Variants in TMEM132C observed in about 807,000 individuals in gnomAD.
TMEM132C encodes protein phosphatase 1, regulatory subunit 152.
Under a neutral mutation model 61.4 loss-of-function variants are expected in TMEM132C, and 29 were observed. The observed-to-expected ratio is 0.47, with a 90% CI of 0.35 to 0.64. TMEM132C has a LOEUF of 0.64. Among genes scored for constraint, TMEM132C ranks in the 30% least tolerant of loss-of-function variants. The pLI is 0.00. For synonymous variants in TMEM132C, 656 were observed against 633.1 expected, an observed-to-expected ratio of 1.04 and a Z score of -0.54; for missense variants, 1,408 against 1,476.9, an observed-to-expected ratio of 0.95 and a Z score of 0.76.
At chr12:128,354,064 G>T (rs947097460) in intron 1 of TMEM132C, among the ~76,000 whole-genome samples, 1 of 152,170 alleles carries the variant, frequency 6.6e-6, no homozygotes, top group Admixed American at 6.5e-5. Flanking sequence ...AGGGTGGCTT[G>T]AGTCTCTTCA....
intron 1 of TMEM132C, among the ~76,000 whole-genome samples, 178 bp from the exon 2 acceptor site, chr12:128,414,554 G>T (rs557456190): frequency 6.6e-6 from 1 of 152,032 alleles, no homozygotes; most frequent in South Asian, 2.1e-4. Flanking sequence ...TGCATAATTC[G>T]TGGACCATGT....
At chr12:128,476,668 T>C (rs1425109970) in intron 2 of TMEM132C, among the ~76,000 whole-genome samples, 1 of 152,162 alleles carries the variant, frequency 6.6e-6, no homozygotes, top group East Asian at 1.9e-4. Flanking sequence ...GAGCCTAGTG[T>C]TTCCCAGCCT....
chr12:128,675,884 A>ATAGATAG (rs1566011935), intron 5 of TMEM132C, among the ~76,000 whole-genome samples: 2 of 42,734 alleles, frequency 4.7e-5, no homozygotes, highest in East Asian at 5.4e-4. Flanking sequence ...TAGATAGATA[A>ATAGATAG]ATAGATAGAT....
intron 4 of TMEM132C, among the ~76,000 whole-genome samples, chr12:128,663,931 C>A (rs1452755117): frequency 7.2e-6 from 1 of 138,520 alleles, no homozygotes; most frequent in East Asian, 2.3e-4. Context: ...CCTGCACGCA[C>A]GCGGACACTC....
intron 1 of TMEM132C, among the ~76,000 whole-genome samples, chr12:128,270,055 G>C (rs1271294188): frequency 6.6e-6 from 1 of 152,170 alleles, no homozygotes; most frequent in African/African-American, 2.4e-5. Flanking sequence ...TTAAGACTTG[G>C]GCCGAGGCAG....
chr12:128,546,202 T>C (rs1250569704), intron 3 of TMEM132C, among the ~76,000 whole-genome samples: 3 of 152,136 alleles, frequency 2.0e-5, no homozygotes, highest in Admixed American at 2.0e-4. Context: ...GAATCTTTGA[T>C]TTGTGAAAAC....
At chr12:128,515,851 A>T (rs1222830646) in intron 2 of TMEM132C, among the ~76,000 whole-genome samples, 1 of 151,982 alleles carries the variant, frequency 6.6e-6, no homozygotes, top group Non-Finnish European at 1.5e-5. Flanking sequence ...AAAAAAAAGT[A>T]TCTTTGATAA....
At chr12:128,282,543 C>G (rs966087329) in intron 1 of TMEM132C, among the ~76,000 whole-genome samples, 2 of 152,164 alleles carry the variant, frequency 1.3e-5, no homozygotes, top group Admixed American at 6.5e-5. Context: ...GCCACTACCC[C>G]CCTCCTCATG....
At chr12:128,313,082 T>C (rs1872029914) in intron 1 of TMEM132C, among the ~76,000 whole-genome samples, 1 of 152,218 alleles carries the variant, frequency 6.6e-6, no homozygotes. Flanking sequence ...CTGCTTCCTC[T>C]GGCAGCCTCC....
intron 1 of TMEM132C, among the ~76,000 whole-genome samples, chr12:128,307,720 A>G (rs374989132): frequency 7.2e-5 from 11 of 152,214 alleles, no homozygotes; most frequent in African/African-American, 2.7e-4. Context: ...AGATGTTCCC[A>G]GTGCATTTCT....
At chr12:128,459,473 TGTCAGG>T (rs1870455158) in intron 2 of TMEM132C, among the ~76,000 whole-genome samples, 1 of 152,120 alleles carries the variant, frequency 6.6e-6, no homozygotes, top group African/African-American at 2.4e-5. Context: ...GGTGGTAGGA[TGTCAGG>T]GTTAAAAGGA....
intron 1 of TMEM132C, among the ~76,000 whole-genome samples, chr12:128,274,061 A>C (rs771796033): frequency 3.3e-5 from 5 of 152,206 alleles, no homozygotes; most frequent in Non-Finnish European, 7.3e-5. Flanking sequence ...TTAGGAACTT[A>C]GAAGTTGCTG....
rs1593007267 is a variant in TMEM132C at position 128,313,190 on chromosome 12, A to G, written c.85+45703A>G. On this transcript the variant is annotated intron_variant, in intron 1 of 8. Transcript: ENST00000435159. ...CTCTGGACTCACCATTATGAAGCCA[A>G]ATCTCCAGGGATCCACTTTGTCAGT... 1.3e-5 allele frequency among the ~76,000 whole-genome samples: 2 copies of G among 152,206 alleles called. 1 individual carries two copies. The highest frequency in any genetic ancestry group is 4.1e-4 in the South Asian group (2 of 4,834).
intron 1 of TMEM132C, chr12:128,288,357 C>T (rs2135905899): frequency 6.6e-6 from 1 of 152,330 alleles, no homozygotes; most frequent in Non-Finnish European, 1.5e-5. Context: ...CACGCCCAGC[C>T]CTCTCTTACT....
intron 2 of TMEM132C, among the ~76,000 whole-genome samples, chr12:128,533,454 T>C (rs1038284667): frequency 1.3e-5 from 2 of 152,178 alleles, no homozygotes; most frequent in Non-Finnish European, 2.9e-5. Context: ...AGGATACGAA[T>C]CTCTCACAGT....
At chr12:128,444,706 A>G (rs1869914147) in intron 2 of TMEM132C, among the ~76,000 whole-genome samples, 1 of 152,188 alleles carries the variant, frequency 6.6e-6, no homozygotes, top group African/African-American at 2.4e-5. Context: ...GGCAATAAAT[A>G]TCTTCCCTGT....
chr12:128,442,374 C>A (rs1048130337), intron 2 of TMEM132C, among the ~76,000 whole-genome samples: 1 of 152,196 alleles, frequency 6.6e-6, no homozygotes, highest in African/African-American at 2.4e-5. Context: ...AAACCTGGGG[C>A]CATGGCCCTC....
rs117282573 is a variant in TMEM132C at position 128,337,603 on chromosome 12, A to G, written c.85+70116A>G. 1.2e-3 allele frequency among the ~76,000 whole-genome samples: 184 copies of G among 152,344 alleles called. 1 individual carries two copies. The highest frequency in any genetic ancestry group is 3.4e-3 in the Middle Eastern group (1 of 294). ...ATCCAAATGAACCTCCAAACTGCCCAGGACCAGTTCTGAAAGTACAAATAA... is the reference window on the plus strand; with the variant it reads ...ATCCAAATGAACCTCCAAACTGCCCGGGACCAGTTCTGAAAGTACAAATAA... On this transcript the variant is annotated intron_variant, in intron 1 of 8. Transcript: ENST00000435159.
intron 2 of TMEM132C, among the ~76,000 whole-genome samples, chr12:128,431,599 A>G (rs953680047): frequency 7.5e-6 from 1 of 133,164 alleles, no homozygotes; most frequent in Non-Finnish European, 1.5e-5. Context: ...CTGTCACCCA[A>G]GCTGGAGTGC....
Sources: allele counts gnomAD v4.1 joint callset (sites outside exome capture counted in the v4.1 genomes callset), GRCh38; gene constraint gnomAD v4.1.1; transcripts MANE v1.5; gene names NCBI Gene and HGNC (gene_info 2026-07-23, HGNC 2026-07-21).